The following SPON1 variants were observed in gnomAD, a reference collection of about 807,000 sequenced individuals.
SPON1 encodes the protein spondin 1.
SPON1 carries 52 observed loss-of-function variants against 111.7 expected under a neutral mutation model. The ratio of observed to expected loss-of-function variants is 0.47; its 90% CI spans 0.37 to 0.59. SPON1 has a LOEUF of 0.59. Ranked by LOEUF, SPON1 falls within the 20% of genes least tolerant of loss-of-function variation. SPON1 has a pLI of 0.00. For synonymous variants in SPON1, 410 were observed against 395.8 expected, an observed-to-expected ratio of 1.04 and a Z score of -0.43; for missense variants, 957 against 1,068.5, an observed-to-expected ratio of 0.90 and a Z score of 1.46.
chr11:14,184,858 C>T (rs1299277744), intron 6 of SPON1, among the ~76,000 whole-genome samples: 1 of 152,206 alleles, frequency 6.6e-6, no homozygotes, highest in Non-Finnish European at 1.5e-5. Context: ...GTGAGTGCAG[C>T]AAGTAGCTAC....
intron 3 of SPON1, among the ~76,000 whole-genome samples, chr11:14,071,490 C>T (rs554966705): frequency 3.3e-5 from 5 of 152,230 alleles, no homozygotes; most frequent in Non-Finnish European, 7.4e-5. Context: ...TTACAATGCC[C>T]TATGTCTAAC....
intron 6 of SPON1, among the ~76,000 whole-genome samples, chr11:14,160,455 T>TTTATATATATATATA (rs1564918895): frequency 1.3e-4 from 1 of 7,650 alleles, no homozygotes; most frequent in Non-Finnish European, 2.2e-4. Flanking sequence ...ATATATATAT[T>TTTATATATATATATA]TATATATATA....
chr11:14,267,421 G>T lies in SPON1; in HGVS notation c.*1734G>T, dbSNP rs1554942592. The stretch of plus-strand genomic sequence containing the variant: ...AAAAGCACAATATAAAGAAACACAA[G>T]ATTTAATTATTTTTCTACTTGGGGG... On this transcript the variant is annotated 3_prime_UTR_variant, in exon 16 of 16. Coordinates refer to ENST00000576479, the MANE Select transcript of SPON1 (RefSeq NM_006108.4). The T allele has an allele frequency of 6.7e-6, 1 of 149,372 alleles. No individual in the cohort carries two copies. The allele number at this position is 149,372 out of a possible 1,614,324, so 9.3% of individuals were successfully genotyped here.
At position 14,262,881 on chromosome 11, in the gene SPON1, A is replaced by C. The variant is rs188043144; in HGVS notation, c.2166A>C (p.Arg722=). 367 of 1,613,888 alleles carry C rather than the reference A, an allele frequency of 2.3e-4. 2 individuals carry two copies. In the African/African-American group the frequency reaches 4.5e-3, roughly 20 times the overall value. ...AGTGCCGCATCCGAAAATGCCTTCG[A>C]AATCCATCCATCCAAAAGCTACGCT... ...RKKCRIRKCL[R]NPSIQKLRWR... Residue 722 remains arginine, a synonymous_variant, in exon 15 of 16, where the codon CGA becomes CGC. Coordinates refer to ENST00000576479, the MANE Select transcript of SPON1 (RefSeq NM_006108.4).
rs1849041324 is a variant in SPON1 at position 14,090,428 on chromosome 11, G to C, written c.676+10407G>C. ...CACTGACTTCAAGAATGAAGCCGCGGACCCTCGTAGTGAGTGTTACAGCTC... is the reference window on the plus strand; with the variant it reads ...CACTGACTTCAAGAATGAAGCCGCGCACCCTCGTAGTGAGTGTTACAGCTC... On this transcript the variant is annotated intron_variant, in intron 5 of 15. Coordinates refer to ENST00000576479, the MANE Select transcript of SPON1 (RefSeq NM_006108.4). 2.0e-5 allele frequency among the ~76,000 whole-genome samples: 3 copies of C among 152,304 alleles called. No individual in the cohort carries two copies. In the South Asian group the frequency reaches 6.2e-4, roughly 32 times the overall value.
At chr11:14,073,008 T>A (rs2133828801) in intron 3 of SPON1, among the ~76,000 whole-genome samples, 1 of 148,398 alleles carries the variant, frequency 6.7e-6, no homozygotes, top group South Asian at 2.1e-4. Context: ...AGATTTGTGA[T>A]TTTTTTTTTC....
chr11:14,214,827 A>T (rs1848610731), intron 6 of SPON1, among the ~76,000 whole-genome samples: 1 of 151,864 alleles, frequency 6.6e-6, no homozygotes, highest in Non-Finnish European at 1.5e-5. Context: ...CCTGTAACAA[A>T]CTCCCCCTGT....
At chr11:14,263,112 A>G in intron 15 of SPON1, 137 bp downstream of exon 15, 1 of 902,546 alleles carries the variant, frequency 1.1e-6, no homozygotes. Context: ...TCTTCAGGCC[A>G]CATTTTGATT....
intron 3 of SPON1, among the ~76,000 whole-genome samples, chr11:14,043,391 G>A (rs1470721989): frequency 6.6e-6 from 1 of 152,134 alleles, no homozygotes; most frequent in Admixed American, 6.5e-5. Context: ...AGTTGGGGAG[G>A]TGGTGAGGGC....
intron 3 of SPON1, among the ~76,000 whole-genome samples, chr11:14,062,927 C>T (rs1848802401): frequency 1.3e-5 from 2 of 152,052 alleles, no homozygotes; most frequent in Non-Finnish European, 2.9e-5. Context: ...TGTGCTGCAC[C>T]ATGGAGGTGG....
At chr11:14,172,306 G>T (rs1469490899) in intron 6 of SPON1, among the ~76,000 whole-genome samples, 1 of 151,686 alleles carries the variant, frequency 6.6e-6, no homozygotes, top group African/African-American at 2.4e-5. Flanking sequence ...CCGATACTAG[G>T]GTTGCAACCC....
intron 3 of SPON1, among the ~76,000 whole-genome samples, chr11:14,042,667 G>C (rs1848640823): frequency 6.6e-6 from 1 of 152,018 alleles, no homozygotes. Context: ...AATCCTCGAA[G>C]GTCTTATTTA....
chr11:14,190,340 C>T (rs1243054572), intron 6 of SPON1, among the ~76,000 whole-genome samples: 1 of 152,162 alleles, frequency 6.6e-6, no homozygotes, highest in Non-Finnish European at 1.5e-5. Context: ...ACTGGTTGAA[C>T]AATAATCACT....
intron 6 of SPON1, among the ~76,000 whole-genome samples, chr11:14,159,899 G>T (rs1326919334): frequency 6.7e-6 from 1 of 148,958 alleles, no homozygotes; most frequent in Non-Finnish European, 1.5e-5. Context: ...AGGGTAGTGG[G>T]GGGTGGGAGG....
intron 2 of SPON1, among the ~76,000 whole-genome samples, chr11:14,018,189 T>G (rs1554914484): frequency 6.6e-6 from 1 of 152,206 alleles, no homozygotes; most frequent in Non-Finnish European, 1.5e-5. Context: ...TATAATCCAT[T>G]TACAAGTAGC....
intron 6 of SPON1, among the ~76,000 whole-genome samples, chr11:14,156,900 A>G (rs1475907415): frequency 1.3e-5 from 2 of 152,290 alleles, no homozygotes; most frequent in South Asian, 4.1e-4. Flanking sequence ...CACTATTACA[A>G]GAACAGCAAG....
chr11:13,993,613 T>G (rs891120552), intron 2 of SPON1, among the ~76,000 whole-genome samples: 2 of 152,144 alleles, frequency 1.3e-5, no homozygotes, highest in African/African-American at 4.8e-5. Flanking sequence ...CGAGGCTCTT[T>G]CTCTCTCTCC....
At chr11:14,083,950 G>A (rs1165112935) in intron 5 of SPON1, among the ~76,000 whole-genome samples, 4 of 152,096 alleles carry the variant, frequency 2.6e-5, no homozygotes, top group Admixed American at 1.3e-4. Flanking sequence ...AAAGCGGCTA[G>A]TCCAGCTTGC....
intron 6 of SPON1, among the ~76,000 whole-genome samples, chr11:14,203,474 C>T (rs560783698): frequency 6.6e-6 from 1 of 152,310 alleles, no homozygotes; most frequent in East Asian, 1.9e-4. Flanking sequence ...AAATGTGCAA[C>T]ATAAATGTCC....
Sources: gnomAD v4.1 joint callset for allele counts (sites outside exome capture counted in the v4.1 genomes callset) on GRCh38, gnomAD v4.1.1 for gene constraint, MANE v1.5 for transcripts, NCBI Gene and HGNC (gene_info 2026-07-23, HGNC 2026-07-21) for gene names.